EYS: variants seen among roughly 807,000 people sequenced by gnomAD.
The protein encoded by EYS is EGF-like photoreceptor maintenance factor.
In EYS, 250 loss-of-function variants were observed where a neutral mutation model predicts 282.1. The ratio of observed to expected loss-of-function variants is 0.89; its 90% CI spans 0.80 to 0.98. EYS has a LOEUF of 0.98. Among genes scored for constraint, EYS ranks in the 50% least tolerant of loss-of-function variants. EYS has a pLI of 0.00. For synonymous variants in EYS, 1,355 were observed against 1,282.9 expected (o/e 1.06, Z -1.20); for missense variants, 4,016 against 3,709.0 (o/e 1.08, Z -2.15).
At chr6:64,225,675 C>T (rs1766232308) in intron 31 of EYS, among the ~76,000 whole-genome samples, 1 of 152,206 alleles carries the variant, frequency 6.6e-6, no homozygotes, top group Non-Finnish European at 1.5e-5. Flanking sequence ...TTTAAGCTCA[C>T]TGAGGATTGT....
At chr6:64,595,229 A>C (rs1766545785) in intron 24 of EYS, among the ~76,000 whole-genome samples, 1 of 152,224 alleles carries the variant, frequency 6.6e-6, no homozygotes, top group Non-Finnish European at 1.5e-5. Flanking sequence ...TTAATTTGAT[A>C]AAATTGAATA....
At chr6:64,887,696 C>T (rs951646119) in intron 18 of EYS, among the ~76,000 whole-genome samples, 7 of 152,016 alleles carry the variant, frequency 4.6e-5, no homozygotes. Flanking sequence ...CTTCAACCTA[C>T]ATTAATTAAT....
intron 2 of EYS, among the ~76,000 whole-genome samples, chr6:65,625,796 C>T (rs779495438): frequency 3.9e-5 from 6 of 152,138 alleles, no homozygotes; most frequent in Non-Finnish European, 5.9e-5. Flanking sequence ...GCTCTAAAGC[C>T]ATTAAGCAAG....
chr6:65,352,691 C>A (rs1764329134), intron 9 of EYS, among the ~76,000 whole-genome samples: 1 of 151,806 alleles, frequency 6.6e-6, no homozygotes, highest in African/African-American at 2.4e-5. Flanking sequence ...TTACTCCAAC[C>A]AACTCCCTAG....
intron 36 of EYS, among the ~76,000 whole-genome samples, chr6:63,851,965 G>A (rs1437026939): frequency 2.6e-5 from 4 of 151,766 alleles, no homozygotes; most frequent in South Asian, 2.1e-4. Flanking sequence ...AGACCATCCC[G>A]GCTAAAACGG....
chr6:63,925,333 C>T (rs1439141092), intron 35 of EYS, among the ~76,000 whole-genome samples: 1 of 152,092 alleles, frequency 6.6e-6, no homozygotes, highest in African/African-American at 2.4e-5. Context: ...ACAAGAGAAA[C>T]AGAAGGAAGT....
Position 65,228,263 on chromosome 6 carries a change from A to G in EYS, c.2023+67600T>C, listed in dbSNP as rs958277550. ...AAGCACTCAGATTGAAAAGGAAAAA[A>G]TAAAAGTATTGACTAATGACATAAT... On this transcript the variant is annotated intron_variant, in intron 12 of 42. Transcript: ENST00000503581. Among the ~76,000 whole-genome samples the G allele has an allele frequency of 1.6e-4, 25 of 152,058 alleles. 1 individual carries two copies. The highest frequency in any genetic ancestry group is 4.6e-4 in the Admixed American group (7 of 15,248).
chr6:63,900,544 GTCAC>G lies in EYS; in HGVS notation c.7056-36190_7056-36187del, dbSNP rs1261365384. On this transcript the variant is annotated intron_variant, in intron 35 of 42. Coordinates refer to ENST00000503581, the MANE Select transcript of EYS (RefSeq NM_001142800.2). ...ACAGCAGAGCTTACAGAAGTCCCAGGTCACTCACCTCTCCCCAGCTGACAGAACC... is the reference window on the plus strand; with the variant it reads ...ACAGCAGAGCTTACAGAAGTCCCAGGTCACCTCTCCCCAGCTGACAGAACC... Among the ~76,000 whole-genome samples, 12 of 152,258 alleles carry G rather than the reference GTCAC, an allele frequency of 7.9e-5. No individual in the cohort carries two copies. In the East Asian group the frequency reaches 2.3e-3, roughly 29 times the overall value.
chr6:64,266,733 G>A (rs1276286722), intron 30 of EYS, among the ~76,000 whole-genome samples: 1 of 152,142 alleles, frequency 6.6e-6, no homozygotes, highest in Non-Finnish European at 1.5e-5. Flanking sequence ...GTATGGCCAC[G>A]TGTCTCTGAG....
At chr6:64,468,976 G>T (rs546320698) in intron 26 of EYS, among the ~76,000 whole-genome samples, 1 of 152,258 alleles carries the variant, frequency 6.6e-6, no homozygotes, top group Non-Finnish European at 1.5e-5. Context: ...ATGTGCATGT[G>T]TCTTTTTGGT....
chr6:65,108,392 G>A (rs1775107522), intron 12 of EYS, among the ~76,000 whole-genome samples: 1 of 152,036 alleles, frequency 6.6e-6, no homozygotes, highest in Admixed American at 6.6e-5. Flanking sequence ...TGACCTCTTG[G>A]GTTCAGGTGA....
At chr6:65,280,118 G>C (rs954316418) in intron 12 of EYS, among the ~76,000 whole-genome samples, 2 of 152,120 alleles carry the variant, frequency 1.3e-5, no homozygotes, top group Non-Finnish European at 2.9e-5. Flanking sequence ...TCTCAGAGGA[G>C]CTTTATTTTA....
chr6:64,202,364 T>C (rs1287842249), intron 31 of EYS, among the ~76,000 whole-genome samples: 3 of 152,196 alleles, frequency 2.0e-5, no homozygotes, highest in South Asian at 4.1e-4. Context: ...CCTTAGACTC[T>C]ACCCATCACC....
In EYS at chr6:64,945,903, A is replaced by G. The variant is rs1769273712; in HGVS notation, c.2271T>C (p.Cys757=). The part of the protein sequence containing the change: ...TCKDLHLSYQ[C]VCLSDWEGNF... ...TTCCTTCCCAATCAGATAGGCACACACACTGGTAGCTCTAAGAGAATATGA... is the reference window on the plus strand; with the variant it reads ...TTCCTTCCCAATCAGATAGGCACACGCACTGGTAGCTCTAAGAGAATATGA... Residue 757 remains cysteine (C), a synonymous_variant, in exon 15 of 43, where the codon TGT becomes TGC. Transcript: ENST00000503581. The G allele has an allele frequency of 6.5e-7, 1 of 1,546,214 alleles. No individual in the cohort carries two copies. Among genetic ancestry groups the G allele is most frequent in the Non-Finnish European group, 8.8e-7 (1 of 1,142,714 alleles).
At chr6:64,313,498 G>T (rs1031269388) in intron 29 of EYS, among the ~76,000 whole-genome samples, 1 of 152,134 alleles carries the variant, frequency 6.6e-6, no homozygotes, top group South Asian at 2.1e-4. Context: ...ACCTAACAAG[G>T]CGGATCAACA....
chr6:63,848,895 T>G (rs2149701654), intron 36 of EYS, among the ~76,000 whole-genome samples: 1 of 152,242 alleles, frequency 6.6e-6, no homozygotes, highest in South Asian at 2.1e-4. Context: ...GCTCAGCGGA[T>G]CCCACCTCCA....
At position 63,806,365 on chromosome 6, in the gene EYS, A is replaced by G; in HGVS notation, c.7236T>C (p.Asn2412=). 1.3e-6 allele frequency: 2 copies of G among 1,536,882 alleles called. No homozygotes were observed. The highest frequency in any genetic ancestry group is 2.8e-5 in the African/African-American group (2 of 72,528). The change falls in exon 37 of 43, where the codon AAT becomes AAC. Residue 2412 remains asparagine (N), a synonymous_variant. Transcript: ENST00000503581. ...RSGPLCTDAI[N]ITQPRFSGTD... The stretch of plus-strand genomic sequence containing the variant: ...TGCCACTGAACCTTGGCTGAGTAAT[A>G]TTAATAGCTGTGAAAAAACCCAAAC...
intron 12 of EYS, among the ~76,000 whole-genome samples, chr6:65,229,168 A>T (rs1354086106): frequency 6.6e-6 from 1 of 152,026 alleles, no homozygotes; most frequent in Non-Finnish European, 1.5e-5. Flanking sequence ...AGAATGCTTC[A>T]TTGGATAATG....
intron 15 of EYS, among the ~76,000 whole-genome samples, chr6:64,932,347 C>G (rs1768754834): frequency 6.6e-6 from 1 of 152,026 alleles, no homozygotes; most frequent in Non-Finnish European, 1.5e-5. Flanking sequence ...CAGGGACTGA[C>G]TTTATTTGAC....
Sources: allele counts gnomAD v4.1 joint callset (sites outside exome capture counted in the v4.1 genomes callset), GRCh38; gene constraint gnomAD v4.1.1; transcripts MANE v1.5; gene names NCBI Gene and HGNC (gene_info 2026-07-23, HGNC 2026-07-21).